The following AP3S1 variants were observed in gnomAD, a reference collection of about 807,000 sequenced individuals.
AP3S1 encodes the protein adaptor related protein complex 3 subunit sigma 1.
A neutral mutation model predicts 21.3 loss-of-function variants in AP3S1; 12 were observed. The ratio of observed to expected loss-of-function variants is 0.56; its 90% CI spans 0.36 to 0.91. The LOEUF is 0.91. Among genes scored for constraint, AP3S1 ranks in the 40% least tolerant of loss-of-function variants. The pLI is 0.01. For missense variants in AP3S1, 116 were observed against 225.0 expected, an observed-to-expected ratio of 0.52 and a Z score of 3.10; for synonymous variants, 48 against 78.4, an observed-to-expected ratio of 0.61 and a Z score of 2.05.
At chr5:115,891,279 A>C (rs960267876) in intron 3 of AP3S1, among the ~76,000 whole-genome samples, 1 of 152,162 alleles carries the variant, frequency 6.6e-6, no homozygotes, top group Non-Finnish European at 1.5e-5. Context: ...AGTACAATAC[A>C]TCTGACACCA....
chr5:115,872,512 A>G lies in AP3S1; in HGVS notation c.273+2384A>G, dbSNP rs535176569. On this transcript the variant is annotated intron_variant, in intron 3 of 5. Coordinates refer to ENST00000316788, the MANE Select transcript of AP3S1 (RefSeq NM_001284.4). Reference sequence around the variant, plus strand: ...CGGCAGTGAGGAAATGAACGTAAACATGTATATATTATGAGGTAGAATACA... The same window carrying G: ...CGGCAGTGAGGAAATGAACGTAAACGTGTATATATTATGAGGTAGAATACA... Among the ~76,000 whole-genome samples the G allele has an allele frequency of 2.6e-5, 4 of 152,226 alleles. No homozygotes were observed. In the South Asian group the frequency reaches 6.2e-4, roughly 24 times the overall value.
At chr5:115,882,981 G>A (rs1382681003) in intron 3 of AP3S1, among the ~76,000 whole-genome samples, 1 of 152,204 alleles carries the variant, frequency 6.6e-6, no homozygotes, top group Admixed American at 6.5e-5. Flanking sequence ...TGAACTTCCA[G>A]GTGGGTTTGT....
intron 1 of AP3S1, among the ~76,000 whole-genome samples, chr5:115,854,645 T>C (rs1250337556): frequency 6.6e-6 from 1 of 151,504 alleles, no homozygotes; most frequent in Non-Finnish European, 1.5e-5. Flanking sequence ...TCCTAAATGT[T>C]TGGAGTGCTC....
At chr5:115,890,163 A>G (rs891832429) in intron 3 of AP3S1, among the ~76,000 whole-genome samples, 16 of 152,240 alleles carry the variant, frequency 1.1e-4, no homozygotes, top group Admixed American at 1.3e-4. Context: ...ATCAGTAGAT[A>G]TGTGTATACG....
rs200309318 is a variant in AP3S1 at position 115,866,752 on chromosome 5, A to G, written c.152A>G (p.Glu51Gly). The G allele has an allele frequency of 6.3e-7, 1 of 1,595,322 alleles. No individual in the cohort carries two copies. Among genetic ancestry groups the G allele is most frequent in the Non-Finnish European group, 8.6e-7 (1 of 1,166,228 alleles). The change falls in exon 2 of 6, where the codon GAA (glutamate) becomes GGA (glycine). Residue 51 changes from glutamate to glycine, a missense_variant. Around this residue, in one of 3 missense-constraint regions of AP3S1, gnomAD observed 65 missense variants for 148.2 expected, o/e 0.44. Transcript: ENST00000316788. ...GATGAAAATGTTTGTAATTTCCTAGAAGGAGGATTGTAAGTAAAGCATTTC... is the reference window on the plus strand; with the variant it reads ...GATGAAAATGTTTGTAATTTCCTAGGAGGAGGATTGTAAGTAAAGCATTTC... ...KRDENVCNFL[E>G]GGLLIGGSDN...
At chr5:115,884,350 G>A (rs981442316) in intron 3 of AP3S1, among the ~76,000 whole-genome samples, 1 of 152,136 alleles carries the variant, frequency 6.6e-6, no homozygotes, top group Non-Finnish European at 1.5e-5. Context: ...TGGATCACGA[G>A]GTCAGAAGTT....
chr5:115,859,826 C>T (rs1763045228), intron 1 of AP3S1, among the ~76,000 whole-genome samples: 1 of 152,184 alleles, frequency 6.6e-6, no homozygotes, highest in South Asian at 2.1e-4. Flanking sequence ...GAAGGCCTGC[C>T]TCTAGGTATT....
chr5:115,861,987 A>C (rs1481351846), intron 1 of AP3S1, among the ~76,000 whole-genome samples: 2 of 148,942 alleles, frequency 1.3e-5, no homozygotes, highest in Admixed American at 6.9e-5. Context: ...GGTGTGAGCC[A>C]CTGTGCCCAA....
At chr5:115,908,917 T>G in intron 5 of AP3S1, 1 of 891,222 alleles carries the variant, frequency 1.1e-6, no homozygotes. Context: ...GTTAATGATT[T>G]TGAGTCTGAA....
intron 3 of AP3S1, among the ~76,000 whole-genome samples, chr5:115,871,659 A>G (rs995456063): frequency 2.0e-5 from 3 of 151,776 alleles, no homozygotes; most frequent in Admixed American, 6.6e-5. Flanking sequence ...CCTTGCCCAC[A>G]CCCATACATC....
intron 1 of AP3S1, among the ~76,000 whole-genome samples, chr5:115,851,630 A>G (rs1053899915): frequency 6.6e-6 from 1 of 151,912 alleles, no homozygotes; most frequent in African/African-American, 2.4e-5. Context: ...AAAAATATCT[A>G]TTTGAGTCTT....
chr5:115,869,850 G>A (rs937599423), intron 2 of AP3S1, among the ~76,000 whole-genome samples, 167 bp from the exon 3 acceptor site: 7 of 152,200 alleles, frequency 4.6e-5, no homozygotes, highest in Non-Finnish European at 1.0e-4. Flanking sequence ...GAAGAAAACA[G>A]CCACCTTAAT....
intron 4 of AP3S1, among the ~76,000 whole-genome samples, chr5:115,896,786 G>GA (rs1487904396): frequency 1.3e-5 from 2 of 151,964 alleles, no homozygotes; most frequent in African/African-American, 4.8e-5. Context: ...TATCAAAAAA[G>GA]AAAAAAATTT....
intron 1 of AP3S1, 112 bp downstream of exon 1, chr5:115,842,218 G>C: frequency 7.2e-7 from 1 of 1,394,278 alleles, no homozygotes; most frequent in Non-Finnish European, 9.4e-7. Context: ...CCCTTGTCCC[G>C]TCCCGGCCGC....
intron 3 of AP3S1, among the ~76,000 whole-genome samples, chr5:115,873,183 T>C (rs1470474262): frequency 6.6e-6 from 1 of 152,202 alleles, no homozygotes; most frequent in Non-Finnish European, 1.5e-5. Flanking sequence ...GATCTTCTTA[T>C]GAGAAAGTAG....
At chr5:115,886,029 T>C (rs1330253399) in intron 3 of AP3S1, among the ~76,000 whole-genome samples, 1 of 152,186 alleles carries the variant, frequency 6.6e-6, no homozygotes, top group African/African-American at 2.4e-5. Flanking sequence ...TAATATATTA[T>C]TTGTTGTTGA....
At chr5:115,860,682 T>C (rs902344465) in intron 1 of AP3S1, among the ~76,000 whole-genome samples, 15 of 152,350 alleles carry the variant, frequency 9.8e-5, no homozygotes, top group Middle Eastern at 6.8e-3. Context: ...GAGAATACTT[T>C]AACACTTATT....
intron 3 of AP3S1, among the ~76,000 whole-genome samples, chr5:115,878,780 C>G (rs528848287): frequency 6.6e-6 from 1 of 152,144 alleles, no homozygotes; most frequent in Non-Finnish European, 1.5e-5. Flanking sequence ...CTATAAATTA[C>G]GTTGGACAGT....
intron 1 of AP3S1, among the ~76,000 whole-genome samples, chr5:115,855,002 G>GTGTA (rs978868110): frequency 6.6e-5 from 10 of 150,938 alleles, no homozygotes; most frequent in Non-Finnish European, 1.5e-4. Context: ...ATGTGTGTGT[G>GTGTA]TGTATGTATA....
Sources: gnomAD v4.1 joint callset for allele counts (sites outside exome capture counted in the v4.1 genomes callset) on GRCh38, gnomAD v4.1.1 for gene constraint, gnomAD v4.1.1 regional missense constraint, MANE v1.5 for transcripts, NCBI Gene and HGNC (gene_info 2026-07-23, HGNC 2026-07-21) for gene names.